The following ASCC3 variants were observed in gnomAD, a reference collection of about 807,000 sequenced individuals.
ASCC3 encodes the protein ASC-1 complex subunit P200.
Under a neutral mutation model 256.3 loss-of-function variants are expected in ASCC3, and 158 were observed. The ratio of observed to expected loss-of-function variants is 0.62; its 90% CI spans 0.54 to 0.70. The LOEUF (loss-of-function observed/expected upper bound fraction) is 0.70, where lower values mean the gene tolerates loss of function less well. Among genes scored for constraint, ASCC3 ranks in the 30% least tolerant of loss-of-function variants. The probability of loss-of-function intolerance (pLI) is 0.00; values close to 1 mark genes in which losing one functional copy is unlikely to be tolerated. For missense variants in ASCC3, 2,259 were observed against 2,626.0 expected (o/e 0.86, Z 3.05); for synonymous variants, 948 against 883.4 (o/e 1.07, Z -1.30).
chr6:100,617,509 CA>C (rs1483539765), intron 30 of ASCC3, among the ~76,000 whole-genome samples: 1 of 152,138 alleles, frequency 6.6e-6, no homozygotes, highest in Non-Finnish European at 1.5e-5. Context: ...TTAAATTACA[CA>C]GTAAAACTTC....
intron 8 of ASCC3, among the ~76,000 whole-genome samples, chr6:100,797,743 A>G (rs1310413590): frequency 1.3e-5 from 2 of 152,126 alleles, no homozygotes; most frequent in African/African-American, 4.8e-5. Flanking sequence ...AAAATGTTCT[A>G]TGAGTACTTC....
At chr6:100,864,017 C>A in intron 3 of ASCC3, 47 bp downstream of exon 3, 1 of 1,407,628 alleles carries the variant, frequency 7.1e-7, no homozygotes. Context: ...GTTTTTGAAC[C>A]TTACTGGTTC....
chr6:100,729,949 A>T (rs1779822809), intron 10 of ASCC3, among the ~76,000 whole-genome samples: 1 of 152,100 alleles, frequency 6.6e-6, no homozygotes, highest in Non-Finnish European at 1.5e-5. Flanking sequence ...ACTATATATC[A>T]TCAAATCTCA....
intron 36 of ASCC3, among the ~76,000 whole-genome samples, chr6:100,568,535 T>C (rs189690961): frequency 5.3e-5 from 8 of 151,970 alleles, no homozygotes; most frequent in African/African-American, 1.9e-4. Flanking sequence ...CATTTTTAAA[T>C]AGAGTTATTT....
At chr6:100,758,409 C>CCTCCCTGTGTCCATGTGTT (rs888529710) in intron 10 of ASCC3, among the ~76,000 whole-genome samples, 2 of 152,046 alleles carry the variant, frequency 1.3e-5, no homozygotes, top group African/African-American at 2.4e-5. Context: ...GTGTTGTTCC[C>CCTCCCTGTGTCCATGTGTT]CTCCCTGTGT....
chr6:100,510,606 C>T (rs1773712368), intron 40 of ASCC3, among the ~76,000 whole-genome samples: 1 of 152,136 alleles, frequency 6.6e-6, no homozygotes, highest in African/African-American at 2.4e-5. Context: ...CACATACTTT[C>T]CCCCTCATCC....
intron 23 of ASCC3, 106 bp from the exon 24 acceptor site, chr6:100,642,855 A>C: frequency 1.8e-6 from 2 of 1,082,268 alleles, no homozygotes; most frequent in East Asian, 2.6e-5. Context: ...TACTAAAGAC[A>C]AAGTATCTTG....
At chr6:100,786,620 A>G (rs1273391717) in intron 8 of ASCC3, among the ~76,000 whole-genome samples, 1 of 152,184 alleles carries the variant, frequency 6.6e-6, no homozygotes, top group Non-Finnish European at 1.5e-5. Flanking sequence ...CATAAATATC[A>G]GCCAAGAAAC....
intron 25 of ASCC3, among the ~76,000 whole-genome samples, chr6:100,635,092 T>C (rs1021195416): frequency 6.6e-6 from 1 of 152,072 alleles, no homozygotes; most frequent in African/African-American, 2.4e-5. Context: ...TAAAGAGATA[T>C]CTGCACTCCC....
intron 3 of ASCC3, among the ~76,000 whole-genome samples, chr6:100,856,137 C>G (rs188773459): frequency 1.8e-4 from 28 of 152,186 alleles, no homozygotes; most frequent in African/African-American, 6.5e-4. Flanking sequence ...CAGACTTGAG[C>G]CCTACCATTA....
chr6:100,616,730 A>T (rs1332525894), intron 30 of ASCC3, among the ~76,000 whole-genome samples: 1 of 152,158 alleles, frequency 6.6e-6, no homozygotes. Context: ...GCAGAATCCT[A>T]ATTAATTTCT....
intron 10 of ASCC3, among the ~76,000 whole-genome samples, chr6:100,764,922 T>C (rs1369961426): frequency 2.0e-5 from 3 of 152,144 alleles, no homozygotes; most frequent in Non-Finnish European, 4.4e-5. Flanking sequence ...GGAAAGGTTG[T>C]TAAGATGAGA....
intron 30 of ASCC3, among the ~76,000 whole-genome samples, chr6:100,607,444 A>T (rs772327942): frequency 1.2e-4 from 18 of 151,984 alleles, no homozygotes; most frequent in Non-Finnish European, 2.2e-4. Flanking sequence ...TTTGAAGTTC[A>T]GTGCCAAAAA....
At chr6:100,518,264 A>C in intron 37 of ASCC3, 122 bp from the exon 38 acceptor site, 1 of 1,041,218 alleles carries the variant, frequency 9.6e-7, no homozygotes, top group Non-Finnish European at 1.4e-6. Flanking sequence ...CTAAATTACT[A>C]TTCATCAACA....
intron 37 of ASCC3, among the ~76,000 whole-genome samples, chr6:100,523,668 C>T (rs1360360150): frequency 6.6e-6 from 1 of 152,146 alleles, no homozygotes; most frequent in Non-Finnish European, 1.5e-5. Flanking sequence ...TAAGAATTTC[C>T]TACGCATAAC....
Position 100,516,213 on chromosome 6 carries a change from T to C in ASCC3, c.6042A>G (p.Val2014=). Residue 2014 remains valine, a synonymous_variant, in exon 39 of 42, where the codon GTA becomes GTG. Coordinates refer to ENST00000369162, the MANE Select transcript of ASCC3 (RefSeq NM_006828.4). ...GGKDHVFSSM[V]ESELHAAKTK... ...TTTTTGCAGCATGTAGCTCACTTTC[T>C]ACCATGGAGCTAAATACATGGTCTT... 1.2e-6 allele frequency: 2 copies of C among 1,613,600 alleles called. No individual in the cohort carries two copies. The highest frequency in any genetic ancestry group is 2.2e-5 in the South Asian group (2 of 91,064).
At chr6:100,749,535 A>C (rs144952906) in intron 10 of ASCC3, among the ~76,000 whole-genome samples, 1 of 152,148 alleles carries the variant, frequency 6.6e-6, no homozygotes, top group East Asian at 1.9e-4. Context: ...ATTGATTTTT[A>C]AAAGTGCTAC....
chr6:100,848,832 G>T, intron 3 of ASCC3, 125 bp from the exon 4 acceptor site: 2 of 905,272 alleles, frequency 2.2e-6, no homozygotes, highest in Non-Finnish European at 3.5e-6. Flanking sequence ...CAATAGACCA[G>T]GTGTAATGGC....
chr6:100,644,259 C>T (rs1242086999), intron 22 of ASCC3, 130 bp from the exon 23 acceptor site: 1 of 687,036 alleles, frequency 1.5e-6, no homozygotes. Context: ...TTAAACATTT[C>T]AAGTATACAG....
Sources: allele counts gnomAD v4.1 joint callset (sites outside exome capture counted in the v4.1 genomes callset), GRCh38; gene constraint gnomAD v4.1.1; transcripts MANE v1.5; gene names NCBI Gene and HGNC (gene_info 2026-07-23, HGNC 2026-07-21).